Variants in MNAT1 observed in about 807,000 individuals in gnomAD.
MNAT1 encodes CDK-activating kinase assembly factor MAT1.
A neutral mutation model predicts 42.0 loss-of-function variants in MNAT1; 43 were observed. The observed-to-expected ratio is 1.02, with a 90% CI of 0.80 to 1.32. The LOEUF (loss-of-function observed/expected upper bound fraction) is 1.32, where lower values mean the gene tolerates loss of function less well. Ranked by LOEUF, MNAT1 falls within the 40% of genes most tolerant of loss-of-function variation. The pLI is 0.00. For missense variants in MNAT1, 306 were observed against 350.4 expected, an observed-to-expected ratio of 0.87 and a Z score of 1.01; for synonymous variants, 118 against 120.0, an observed-to-expected ratio of 0.98 and a Z score of 0.11.
chr14:60,749,096 C>T (rs749373164), intron 1 of MNAT1, among the ~76,000 whole-genome samples: 2 of 152,112 alleles, frequency 1.3e-5, no homozygotes, highest in Non-Finnish European at 2.9e-5. Flanking sequence ...CTGTCTTTGA[C>T]CAAAATGTCC....
chr14:60,745,900 C>T (rs1896598277), intron 1 of MNAT1, among the ~76,000 whole-genome samples: 2 of 152,118 alleles, frequency 1.3e-5, no homozygotes, highest in Admixed American at 1.3e-4. Context: ...CAGTATAGTG[C>T]TGCAGAACAG....
At chr14:60,894,453 G>T (rs2139492944) in intron 7 of MNAT1, among the ~76,000 whole-genome samples, 1 of 152,076 alleles carries the variant, frequency 6.6e-6, no homozygotes, top group Middle Eastern at 3.4e-3. Flanking sequence ...TGTAAAGTAG[G>T]TTTAGCCTGA....
intron 1 of MNAT1, among the ~76,000 whole-genome samples, chr14:60,757,072 T>G (rs1029598923): frequency 5.9e-5 from 9 of 152,210 alleles, no homozygotes; most frequent in African/African-American, 1.9e-4. Flanking sequence ...CTATTTGACT[T>G]GTTAGTTTGA....
rs1555374426 is a variant in MNAT1 at position 60,784,203 on chromosome 14, T to TTTTTTTTTC, written c.90-12014_90-12013insTTTTTTTTC. Among the ~76,000 whole-genome samples, 23 of 145,356 alleles carry TTTTTTTTTC rather than the reference T, an allele frequency of 1.6e-4. 2 individuals are homozygous for TTTTTTTTTC. Among genetic ancestry groups the TTTTTTTTTC allele is most frequent in the Non-Finnish European group, 3.0e-4 (20 of 66,194 alleles). ...AATTTTTTTTTTTTTTTTTTTTTTT[T>TTTTTTTTTC]AGTAGAGGCGAGGTTTTGCCATGTT... On this transcript the variant is annotated intron_variant, in intron 1 of 7. Coordinates refer to ENST00000261245, the MANE Select transcript of MNAT1 (RefSeq NM_002431.4).
At chr14:60,892,041 T>C (rs2034856892) in intron 7 of MNAT1, among the ~76,000 whole-genome samples, 1 of 152,202 alleles carries the variant, frequency 6.6e-6, no homozygotes, top group Admixed American at 6.5e-5. Flanking sequence ...TTTAAAAATT[T>C]ATTAACACTT....
At chr14:60,833,908 A>T (rs1274791941) in intron 6 of MNAT1, among the ~76,000 whole-genome samples, 1 of 151,798 alleles carries the variant, frequency 6.6e-6, no homozygotes, top group South Asian at 2.1e-4. Flanking sequence ...TCTTGGGAGG[A>T]TGTATGTGTC....
In MNAT1 at chr14:60,876,599, A is replaced by G. The variant is rs4151291; in HGVS notation, c.688-3115A>G. 1.1e-3 allele frequency among the ~76,000 whole-genome samples: 168 copies of G among 152,108 alleles called. No homozygotes were observed. In the East Asian group the frequency reaches 0.023, roughly 21 times the overall value. ...CTGCTCTTTCCCATGTTCCTAGTCT[A>G]TGGTAACCACTGATCTACTTTCTGT... On this transcript the variant is annotated intron_variant, in intron 6 of 7. Transcript: ENST00000261245.
intron 7 of MNAT1, among the ~76,000 whole-genome samples, chr14:60,910,773 G>T (rs531244095): frequency 2.0e-5 from 3 of 152,288 alleles, no homozygotes; most frequent in African/African-American, 4.8e-5. Flanking sequence ...AAGGATATTG[G>T]TCTAAAATTC....
At chr14:60,869,108 G>A (rs1334430988) in intron 6 of MNAT1, among the ~76,000 whole-genome samples, 1 of 143,716 alleles carries the variant, frequency 7.0e-6, no homozygotes. Flanking sequence ...GCATGATCTC[G>A]GCTCACTGCA....
At chr14:60,752,520 T>C (rs1333599275) in intron 1 of MNAT1, among the ~76,000 whole-genome samples, 1 of 152,142 alleles carries the variant, frequency 6.6e-6, no homozygotes, top group East Asian at 1.9e-4. Context: ...TTTATCTTCT[T>C]ATTTGTATGT....
At chr14:60,817,324 T>C (rs1305417332) in intron 5 of MNAT1, among the ~76,000 whole-genome samples, 4 of 151,898 alleles carry the variant, frequency 2.6e-5, no homozygotes, top group Non-Finnish European at 5.9e-5. Context: ...TGGTGTAGAA[T>C]ATAAAAGGTA....
chr14:60,809,223 C>G (rs1266896021), intron 4 of MNAT1, among the ~76,000 whole-genome samples: 1 of 152,020 alleles, frequency 6.6e-6, no homozygotes, highest in Admixed American at 6.6e-5. Flanking sequence ...TTGTAATAAT[C>G]AGTGAAAAGG....
intron 7 of MNAT1, among the ~76,000 whole-genome samples, chr14:60,927,802 A>AG (rs2035797184): frequency 6.6e-6 from 1 of 152,148 alleles, no homozygotes; most frequent in East Asian, 1.9e-4. Flanking sequence ...TGTGCCTCTG[A>AG]GGGTCTGCAT....
intron 7 of MNAT1, among the ~76,000 whole-genome samples, chr14:60,921,968 T>G (rs2035670408): frequency 6.6e-6 from 1 of 152,168 alleles, no homozygotes; most frequent in Admixed American, 6.5e-5. Flanking sequence ...GTTTAATACT[T>G]TCATAGTAAA....
At chr14:60,864,579 A>G (rs1375731637) in intron 6 of MNAT1, among the ~76,000 whole-genome samples, 2 of 151,980 alleles carry the variant, frequency 1.3e-5, no homozygotes, top group Non-Finnish European at 2.9e-5. Flanking sequence ...CACATAGTAG[A>G]TGTTCAGTAA....
At chr14:60,840,582 C>A (rs1410987535) in intron 6 of MNAT1, among the ~76,000 whole-genome samples, 2 of 152,108 alleles carry the variant, frequency 1.3e-5, no homozygotes, top group East Asian at 3.8e-4. Flanking sequence ...TGATCCCAGT[C>A]CTTATACTCC....
At chr14:60,935,314 C>A (rs2139576504) in intron 7 of MNAT1, among the ~76,000 whole-genome samples, 1 of 150,276 alleles carries the variant, frequency 6.7e-6, no homozygotes, top group Non-Finnish European at 1.5e-5. Flanking sequence ...TACCTAGCCC[C>A]CATCCCTCCC....
At chr14:60,804,455 TAAATTA>T (rs2032304366) in intron 3 of MNAT1, among the ~76,000 whole-genome samples, 1 of 152,218 alleles carries the variant, frequency 6.6e-6, no homozygotes, top group African/African-American at 2.4e-5. Flanking sequence ...CCTTTGCTTC[TAAATTA>T]AAATCTGAAA....
intron 1 of MNAT1, among the ~76,000 whole-genome samples, chr14:60,752,720 A>G (rs1171848072): frequency 6.6e-6 from 1 of 152,172 alleles, no homozygotes; most frequent in Non-Finnish European, 1.5e-5. Flanking sequence ...TTGACTCAGT[A>G]ACTAATTTTG....
Sources: allele counts gnomAD v4.1 joint callset (sites outside exome capture counted in the v4.1 genomes callset), GRCh38; gene constraint gnomAD v4.1.1; transcripts MANE v1.5; gene names NCBI Gene and HGNC (gene_info 2026-07-23, HGNC 2026-07-21).